PHPT1: variants seen among roughly 807,000 people sequenced by gnomAD.
PHPT1 encodes the protein 14 kDa phosphohistidine phosphatase.
In PHPT1, 16 loss-of-function variants were observed where a neutral mutation model predicts 15.6. The ratio of observed to expected loss-of-function variants is 1.03; its 90% CI spans 0.70 to 1.56. The LOEUF is 1.56. PHPT1 is among the 40% of genes most tolerant of loss of function. The pLI is 0.00. For missense variants in PHPT1, 228 were observed against 171.0 expected, an observed-to-expected ratio of 1.33 and a Z score of -1.86; for synonymous variants, 102 against 68.1, an observed-to-expected ratio of 1.50 and a Z score of -2.45.
At chr9:136,849,897 C>T in intron 1 of PHPT1, 116 bp from the exon 2 acceptor site, 1 of 1,112,588 alleles carries the variant, frequency 9.0e-7, no homozygotes, top group Non-Finnish European at 1.3e-6. Context: ...GGGGCTTCGT[C>T]TCTCCTGGGG....
rs557750281 is a variant in PHPT1 at position 136,850,286 on chromosome 9, G to A, written c.285+149G>A. Reference sequence around the variant, plus strand: ...TCGGCGGCAGAGCCCTCCCTCCAGGGCCCATTGTGTTCCTGCATTCCCCCA... The same window carrying A: ...TCGGCGGCAGAGCCCTCCCTCCAGGACCCATTGTGTTCCTGCATTCCCCCA... On this transcript the variant is annotated intron_variant, in intron 2 of 2. Coordinates refer to ENST00000247665, the MANE Select transcript of PHPT1 (RefSeq NM_014172.6). 6.7e-6 allele frequency: 7 copies of A among 1,037,940 alleles called. No homozygotes were observed. In the East Asian group the frequency reaches 1.8e-4, roughly 27 times the overall value. The allele number at this position is 1,037,940 out of a possible 1,614,324, so 64.3% of individuals were successfully genotyped here.
At chr9:136,850,657 C>G (rs1465369648) in intron 2 of PHPT1, 98 bp from the exon 3 acceptor site, 2 of 1,495,860 alleles carry the variant, frequency 1.3e-6, no homozygotes, top group African/African-American at 2.8e-5. Context: ...TATCCCTTTC[C>G]CACACTCGCT....
intron 2 of PHPT1, chr9:136,850,462 A>G: frequency 1.3e-6 from 2 of 1,556,318 alleles, no homozygotes; most frequent in Non-Finnish European, 1.8e-6. Context: ...ACCTGGGTGG[A>G]GCTCAGAGTC....
At chr9:136,850,362 C>T (rs918616079) in intron 2 of PHPT1, 3 of 854,890 alleles carry the variant, frequency 3.5e-6, no homozygotes, top group Admixed American at 4.6e-5. Context: ...CAGACATGGC[C>T]GGCTGTCTCC....
chr9:136,849,449 G>C lies in PHPT1; in HGVS notation c.19G>C (p.Ala7Pro), dbSNP rs141428638. The C allele has an allele frequency of 6.8e-6, 11 of 1,606,392 alleles. No individual in the cohort carries two copies. The African/African-American group carries it at 1.3e-4, about 20-fold the overall frequency. The change falls in exon 1 of 3, where the codon GCT (alanine) becomes CCT (proline). Residue 7 changes from alanine to proline, a missense_variant. Ala to Pro is a conservative substitution (Grantham distance 27). Transcript: ENST00000247665. ...GAGGAACATGGCGGTGGCGGACCTC[G>C]CTCTCATTCCTGATGTGGACATCGA... MAVADL[A>P]LIPDVDIDSD...
chr9:136,849,665 G>A (rs1292608260), intron 1 of PHPT1, 75 bp downstream of exon 1: 3 of 1,100,420 alleles, frequency 2.7e-6, no homozygotes, highest in Non-Finnish European at 3.7e-6. Context: ...ACGGAGACGG[G>A]GCTGACGAGG....
chr9:136,850,863 G>C lies in PHPT1; in HGVS notation c.*16G>C, dbSNP rs768473279. On this transcript the variant is annotated 3_prime_UTR_variant, in exon 3 of 3. Transcript: ENST00000247665. ...CGGCTACTGAGCACTCCCAGCCCGG[G>C]GCCTGCTGCCTCCAGCAGCCACTTC... 3 of 1,598,050 alleles carry C rather than the reference G, an allele frequency of 1.9e-6. No homozygotes were observed. The Admixed American group carries it at 5.0e-5, about 27-fold the overall frequency.
intron 1 of PHPT1, 126 bp from the exon 2 acceptor site, chr9:136,849,887 G>A (rs2131224685): frequency 9.7e-7 from 1 of 1,029,098 alleles, no homozygotes. Context: ...CCAGCCTCAA[G>A]GGGCTTCGTC....
chr9:136,849,870 C>G, intron 1 of PHPT1, 143 bp from the exon 2 acceptor site: 1 of 913,112 alleles, frequency 1.1e-6, no homozygotes. Flanking sequence ...GCTCATTCAT[C>G]CCTGTCCCAG....
chr9:136,850,646 C>T (rs1377874539), intron 2 of PHPT1, 109 bp from the exon 3 acceptor site: 53 of 1,500,578 alleles, frequency 3.5e-5, no homozygotes, highest in Non-Finnish European at 3.4e-5. Context: ...CAGGCACTGC[C>T]TATCCCTTTC....
intron 1 of PHPT1, 27 bp downstream of exon 1, chr9:136,849,617 AGGGGCACGCCTGGCGAGGCG>A: frequency 1.2e-6 from 1 of 840,884 alleles, no homozygotes; most frequent in Non-Finnish European, 1.6e-6. Flanking sequence ...CGGGCATGCC[AGGGGCACGCCTGGCGAGGCG>A]GGGGCGGGGC....
chr9:136,850,050 G>A lies in PHPT1; in HGVS notation c.198G>A (p.Lys66=). 6.2e-7 allele frequency: 1 copy of A among 1,613,178 alleles called. No homozygotes were observed. The highest frequency in any genetic ancestry group is 8.5e-7 in the Non-Finnish European group (1 of 1,179,900). ...IYDKVSGDMQ[K]QGCDCECLGG... Reference sequence around the variant, plus strand: ...ACAAAGTGTCGGGCGACATGCAGAAGCAAGGCTGCGACTGTGAGTGTCTGG... The same window carrying A: ...ACAAAGTGTCGGGCGACATGCAGAAACAAGGCTGCGACTGTGAGTGTCTGG... The change falls in exon 2 of 3, where the codon AAG becomes AAA. Residue 66 remains lysine (K), a synonymous_variant. Coordinates refer to ENST00000247665, the MANE Select transcript of PHPT1 (RefSeq NM_014172.6).
Position 136,850,127 on chromosome 9 carries a change from G to C in PHPT1, c.275G>C (p.Gly92Ala), listed in dbSNP as rs753422783. The C allele has an allele frequency of 6.2e-6, 10 of 1,613,144 alleles. No individual in the cohort carries two copies. In the South Asian group the frequency reaches 8.8e-5, roughly 14 times the overall value. ...QSQDKKIHVYGYSMAYGPAQH... is the reference protein window; with the variant it reads ...QSQDKKIHVYAYSMAYGPAQH... ...CAGGACAAGAAGATTCACGTGTACG[G>C]CTATTCCATGGTGAGCCGCAGCCCC... The change falls in exon 2 of 3, where the codon GGC (glycine) becomes GCC (alanine). Residue 92 changes from glycine (G) to alanine (A), a missense_variant. Coordinates refer to ENST00000247665, the MANE Select transcript of PHPT1 (RefSeq NM_014172.6).
rs374064535 is a variant in PHPT1 at position 136,850,092 on chromosome 9, C to T, written c.240C>T (p.Ser80=). 7.3e-5 allele frequency: 118 copies of T among 1,613,076 alleles called. No individual in the cohort carries two copies. The highest frequency in any genetic ancestry group is 9.9e-5 in the Non-Finnish European group (117 of 1,179,926). ...DCECLGGGRI[S]HQSQDKKIHV... Reference sequence around the variant, plus strand: ...AGTGTCTGGGCGGCGGGCGCATCTCCCACCAGAGTCAGGACAAGAAGATTC... The same window carrying T: ...AGTGTCTGGGCGGCGGGCGCATCTCTCACCAGAGTCAGGACAAGAAGATTC... The change falls in exon 2 of 3, where the codon TCC becomes TCT. Residue 80 remains serine, a synonymous_variant. Coordinates refer to ENST00000247665, the MANE Select transcript of PHPT1 (RefSeq NM_014172.6).
intron 2 of PHPT1, 192 bp downstream of exon 2, chr9:136,850,329 C>T (rs1387653825): frequency 2.3e-6 from 2 of 859,688 alleles, no homozygotes; most frequent in Admixed American, 4.6e-5. Flanking sequence ...CACGCCAGAC[C>T]TGAGGGGTGG....
chr9:136,850,829 G>A lies in PHPT1; in HGVS notation c.360G>A (p.Trp120Ter). The change falls in exon 3 of 3, where the codon TGG becomes TGA. Residue 120 changes from tryptophan (W) to a stop codon, truncating the protein, a stop_gained. Transcript: ENST00000247665. LOFTEE classifies it high-confidence loss of function. ...AGTACCCCGACTACGAGGTCACCTG[G>A]GCTAACGACGGCTACTGAGCACTCC... ...KAKYPDYEVT[W>*]ANDGY is the part of the protein sequence containing the mutation. The A allele has an allele frequency of 5.6e-6, 9 of 1,612,754 alleles. No individual in the cohort carries two copies. Among genetic ancestry groups the A allele is most frequent in the Non-Finnish European group, 6.8e-6 (8 of 1,179,702 alleles).
chr9:136,849,569 T>A lies in PHPT1; in HGVS notation c.139T>A (p.Tyr47Asn). The change falls in exon 1 of 3, where the codon TAC becomes AAC. Residue 47 changes from tyrosine (Y) to asparagine (N), a missense_variant. Physicochemically the swap from Tyr to Asn is moderately radical, Grantham distance 143. Transcript: ENST00000247665. Reference protein sequence around the residue: ...AAESKEIVRGYKWAEYHADIY... With the variant: ...AAESKEIVRGNKWAEYHADIY... Reference sequence around the variant, plus strand: ...AGAGAGCAAGGAGATCGTGCGCGGCTACAAGTGGGCTGAGTACCATGGTGA... The same window carrying A: ...AGAGAGCAAGGAGATCGTGCGCGGCAACAAGTGGGCTGAGTACCATGGTGA... The A allele has an allele frequency of 6.2e-7, 1 of 1,601,416 alleles. No individual in the cohort carries two copies. Among genetic ancestry groups the A allele is most frequent in the Non-Finnish European group, 8.5e-7 (1 of 1,175,536 alleles).
At chr9:136,850,433 G>T (rs1046273423) in intron 2 of PHPT1, 8 of 1,377,674 alleles carry the variant, frequency 5.8e-6, no homozygotes, top group Non-Finnish European at 8.1e-6. Flanking sequence ...TGGGCCCTGG[G>T]CCCCCAGAGG....
At position 136,850,056 on chromosome 9, in the gene PHPT1, C is replaced by T. The variant is rs757656488; in HGVS notation, c.204C>T (p.Gly68=). 1.2e-5 allele frequency: 19 copies of T among 1,613,158 alleles called. 1 individual carries two copies. Among genetic ancestry groups the T allele is most frequent in the Middle Eastern group, 1.7e-4 (1 of 6,060 alleles). ...TGTCGGGCGACATGCAGAAGCAAGG[C>T]TGCGACTGTGAGTGTCTGGGCGGCG... ...DKVSGDMQKQ[G]CDCECLGGGR... Residue 68 remains glycine (G), a synonymous_variant, in exon 2 of 3, where the codon GGC becomes GGT. Transcript: ENST00000247665.
Sources: allele counts gnomAD v4.1 joint callset, GRCh38; gene constraint gnomAD v4.1.1; transcripts MANE v1.5; gene names NCBI Gene and HGNC (gene_info 2026-07-23, HGNC 2026-07-21).